Variants in EYA4 observed in about 807,000 individuals in gnomAD.
EYA4 encodes the protein EYA transcriptional coactivator and phosphatase 4.
Under a neutral mutation model 87.9 loss-of-function variants are expected in EYA4, and 31 were observed. The ratio of observed to expected loss-of-function variants is 0.35; its 90% CI spans 0.27 to 0.48. The LOEUF (loss-of-function observed/expected upper bound fraction) is 0.48. EYA4 is among the 20% of genes least tolerant of loss of function. The pLI is 0.99. For synonymous variants in EYA4, 263 were observed against 270.6 expected (o/e 0.97, Z 0.28); for missense variants, 678 against 761.4 (o/e 0.89, Z 1.29).
chr6:133,269,839 ATTAAC>A (rs1463299758), intron 1 of EYA4, among the ~76,000 whole-genome samples: 1 of 152,164 alleles, frequency 6.6e-6, no homozygotes, highest in Non-Finnish European at 1.5e-5. Flanking sequence ...TACACTTATT[ATTAAC>A]TTAACTTACC....
chr6:133,422,418 T>C (rs949552393), intron 3 of EYA4, among the ~76,000 whole-genome samples: 4 of 152,254 alleles, frequency 2.6e-5, no homozygotes, highest in African/African-American at 9.6e-5. Context: ...ATTATATTCT[T>C]TATATTTATT....
intron 2 of EYA4, among the ~76,000 whole-genome samples, chr6:133,348,524 C>T (rs1386220072): frequency 6.6e-6 from 1 of 152,008 alleles, no homozygotes; most frequent in Non-Finnish European, 1.5e-5. Flanking sequence ...CTCGGCCTCC[C>T]AAAGTGCTGG....
chr6:133,301,953 A>C (rs1779444048), intron 2 of EYA4, among the ~76,000 whole-genome samples: 1 of 152,226 alleles, frequency 6.6e-6, no homozygotes, highest in Non-Finnish European at 1.5e-5. Context: ...CCTGGGACGA[A>C]GAGAGAGGAA....
chr6:133,260,841 C>G lies in EYA4; in HGVS notation c.-65-13875C>G, dbSNP rs189942560. On this transcript the variant is annotated intron_variant, in intron 1 of 19. Transcript: ENST00000355286. ...TGGTGGGCCGAGTTTTTCTATCCCC[C>G]CTCCAATAAATGTGACAAACTTTTT... is the stretch of plus-strand genomic sequence containing the variant. Among the ~76,000 whole-genome samples, 89 of 152,244 alleles carry G rather than the reference C, an allele frequency of 5.8e-4. 1 individual carries two copies. Among genetic ancestry groups the G allele is most frequent in the Admixed American group, 2.2e-3 (34 of 15,286 alleles).
intron 16 of EYA4, 21 bp from the exon 17 acceptor site, chr6:133,515,300 C>G (rs750089057): frequency 1.2e-5 from 14 of 1,214,228 alleles, no homozygotes; most frequent in Non-Finnish European, 1.6e-5. Context: ...TCGACTCTGC[C>G]TTGGTTTTTT....
intron 3 of EYA4, among the ~76,000 whole-genome samples, chr6:133,411,232 C>T (rs1000270921): frequency 3.3e-5 from 5 of 152,044 alleles, no homozygotes; most frequent in African/African-American, 1.2e-4. Context: ...CTGTAAGACA[C>T]TGTGGGGGAA....
intron 3 of EYA4, among the ~76,000 whole-genome samples, chr6:133,409,000 TG>T (rs1788977770): frequency 6.6e-6 from 1 of 152,220 alleles, no homozygotes; most frequent in Non-Finnish European, 1.5e-5. Context: ...TGTTCTGATC[TG>T]GATTTTATTA....
Position 133,344,366 on chromosome 6 carries a change from T to C in EYA4, c.34-38026T>C, listed in dbSNP as rs144099520. On this transcript the variant is annotated intron_variant, in intron 2 of 19. Coordinates refer to ENST00000355286, the MANE Select transcript of EYA4 (RefSeq NM_004100.5). ...CTTTTGAAAATATTTCTGGTGTCTC[T>C]TGATATTTGAAAAATAAAATTTTAC... Among the ~76,000 whole-genome samples the C allele has an allele frequency of 5.4e-3, 821 of 152,352 alleles. 3 individuals are homozygous for C. Among genetic ancestry groups the C allele is most frequent in the Non-Finnish European group, 8.7e-3 (592 of 68,032 alleles).
intron 1 of EYA4, among the ~76,000 whole-genome samples, chr6:133,244,152 A>G (rs1226863978): frequency 2.0e-5 from 3 of 152,232 alleles, no homozygotes; most frequent in Admixed American, 1.3e-4. Context: ...GTAAAGGTCT[A>G]CAATCAATAT....
At chr6:133,455,634 T>C (rs1022471443) in intron 5 of EYA4, among the ~76,000 whole-genome samples, 1 of 152,208 alleles carries the variant, frequency 6.6e-6, no homozygotes, top group African/African-American at 2.4e-5. Flanking sequence ...TTTATAATTT[T>C]CTGCTTGCTT....
intron 2 of EYA4, among the ~76,000 whole-genome samples, chr6:133,277,402 G>A (rs189426450): frequency 6.6e-6 from 1 of 152,222 alleles, no homozygotes; most frequent in Non-Finnish European, 1.5e-5. Context: ...AGGTAGTTAA[G>A]GGCATGAGCT....
intron 2 of EYA4, among the ~76,000 whole-genome samples, chr6:133,321,420 T>C (rs1330001323): frequency 6.6e-6 from 1 of 152,222 alleles, no homozygotes. Flanking sequence ...TGCTGTCTGC[T>C]CATTTCAGCA....
At position 133,419,975 on chromosome 6, in the gene EYA4, A is replaced by G. The variant is rs139661075; in HGVS notation, c.84-26655A>G. Among the ~76,000 whole-genome samples, 366 of 152,228 alleles carry G rather than the reference A, an allele frequency of 2.4e-3. 3 individuals carry two copies. Among genetic ancestry groups the G allele is most frequent in the African/African-American group, 8.2e-3 (342 of 41,524 alleles). On this transcript the variant is annotated intron_variant, in intron 3 of 19. Transcript: ENST00000355286. ...CTTGAGGTCCCATTTAGTATGTGTT[A>G]TGTGTGAAGGTGGGAATAGTGGCAT...
intron 13 of EYA4, among the ~76,000 whole-genome samples, chr6:133,483,397 T>G (rs1360648332): frequency 6.6e-6 from 1 of 151,998 alleles, no homozygotes; most frequent in Non-Finnish European, 1.5e-5. Context: ...AGAAAAAAAA[T>G]TGTAAATCGA....
chr6:133,321,755 C>T (rs928893666), intron 2 of EYA4, among the ~76,000 whole-genome samples: 2 of 152,194 alleles, frequency 1.3e-5, no homozygotes, highest in African/African-American at 4.8e-5. Flanking sequence ...TCCCCCACAG[C>T]ATCTTTTCAC....
intron 2 of EYA4, among the ~76,000 whole-genome samples, chr6:133,381,113 C>CCA (rs1478126900): frequency 8.7e-6 from 1 of 114,716 alleles, no homozygotes; most frequent in African/African-American, 3.3e-5. Context: ...TCTCATGGTA[C>CCA]TGATTACCAT....
intron 2 of EYA4, among the ~76,000 whole-genome samples, chr6:133,276,693 T>C (rs929051365): frequency 2.0e-5 from 3 of 152,126 alleles, no homozygotes; most frequent in African/African-American, 7.2e-5. Flanking sequence ...AATTTAAATT[T>C]CAAACATGTA....
intron 13 of EYA4, among the ~76,000 whole-genome samples, chr6:133,500,506 TC>T (rs1444050400): frequency 6.6e-6 from 1 of 152,108 alleles, no homozygotes; most frequent in African/African-American, 2.4e-5. Context: ...CATGAACTCT[TC>T]CTATTGGAGG....
intron 3 of EYA4, among the ~76,000 whole-genome samples, chr6:133,417,662 A>G (rs766785526): frequency 3.0e-4 from 42 of 141,136 alleles, no homozygotes; most frequent in Admixed American, 1.4e-4. Flanking sequence ...GGATATTCAT[A>G]ACATGCATAT....
Sources: gnomAD v4.1 joint callset for allele counts (sites outside exome capture counted in the v4.1 genomes callset) on GRCh38, gnomAD v4.1.1 for gene constraint, MANE v1.5 for transcripts, NCBI Gene and HGNC (gene_info 2026-07-23, HGNC 2026-07-21) for gene names.